SNTG1: variants seen among roughly 807,000 people sequenced by gnomAD.
SNTG1 encodes syntrophin gamma 1.
Under a neutral mutation model 74.7 loss-of-function variants are expected in SNTG1, and 39 were observed. The ratio of observed to expected loss-of-function variants is 0.52; its 90% CI spans 0.40 to 0.68. SNTG1 has a LOEUF of 0.68. Among genes scored for constraint, SNTG1 ranks in the 30% least tolerant of loss-of-function variants. The pLI, the probability that SNTG1 is intolerant of heterozygous loss-of-function variation, is 0.00. For synonymous variants in SNTG1, 254 were observed against 217.1 expected (o/e 1.17, Z -1.49); for missense variants, 685 against 609.5 (o/e 1.12, Z -1.30).
At chr8:50,635,368 C>T (rs186963348) in intron 13 of SNTG1, among the ~76,000 whole-genome samples, 2 of 152,232 alleles carry the variant, frequency 1.3e-5, no homozygotes, top group Admixed American at 1.3e-4. Flanking sequence ...TGTGTCTTTC[C>T]CTTAGGGGCA....
At chr8:50,116,547 G>A (rs1418940105) in intron 1 of SNTG1, among the ~76,000 whole-genome samples, 2 of 152,114 alleles carry the variant, frequency 1.3e-5, no homozygotes, top group Non-Finnish European at 2.9e-5. Context: ...CTCAGTCATT[G>A]CGTACCTAAT....
At chr8:50,290,513 C>T (rs1006349175) in intron 2 of SNTG1, among the ~76,000 whole-genome samples, 2 of 152,110 alleles carry the variant, frequency 1.3e-5, no homozygotes, top group Admixed American at 6.6e-5. Flanking sequence ...AAAGTCCAGT[C>T]TTTGGCAAAT....
chr8:50,415,407 T>A (rs1017623856), intron 4 of SNTG1, among the ~76,000 whole-genome samples: 1 of 152,118 alleles, frequency 6.6e-6, no homozygotes, highest in Non-Finnish European at 1.5e-5. Context: ...ATGGAATAGG[T>A]AATAACGTAA....
chr8:50,524,142 A>G (rs1300534791), intron 9 of SNTG1, among the ~76,000 whole-genome samples: 2 of 151,898 alleles, frequency 1.3e-5, no homozygotes, highest in East Asian at 3.9e-4. Flanking sequence ...CCTTATAGGT[A>G]TTTCTGTGAC....
chr8:50,428,597 A>G (rs1409654320), intron 4 of SNTG1, among the ~76,000 whole-genome samples: 2 of 152,132 alleles, frequency 1.3e-5, no homozygotes, highest in Non-Finnish European at 2.9e-5. Flanking sequence ...TACAAACTAC[A>G]ATTTTCAGTG....
intron 1 of SNTG1, among the ~76,000 whole-genome samples, chr8:50,054,926 C>T (rs996958306): frequency 2.6e-4 from 39 of 152,126 alleles, no homozygotes; most frequent in Non-Finnish European, 7.4e-5. Flanking sequence ...TTCCTCTGAC[C>T]TCGGCCTCTC....
intron 1 of SNTG1, among the ~76,000 whole-genome samples, chr8:50,091,792 A>G (rs2079747713): frequency 6.6e-6 from 1 of 152,132 alleles, no homozygotes; most frequent in Admixed American, 6.6e-5. Flanking sequence ...CATAAGCAGG[A>G]TAATAAACAG....
chr8:50,495,892 T>A (rs575412088), intron 8 of SNTG1, among the ~76,000 whole-genome samples: 1 of 152,298 alleles, frequency 6.6e-6, no homozygotes, highest in South Asian at 2.1e-4. Context: ...AACACTGGCA[T>A]GAAAGCCTTT....
intron 18 of SNTG1, among the ~76,000 whole-genome samples, chr8:50,788,973 T>A (rs767548794): frequency 1.3e-5 from 2 of 152,018 alleles, no homozygotes; most frequent in African/African-American, 4.8e-5. Context: ...AACCATTTCA[T>A]GCCAGCAATT....
At position 50,736,886 on chromosome 8, in the gene SNTG1, C is replaced by T. The variant is rs953477834; in HGVS notation, c.1285-15115C>T. 7.3e-5 allele frequency among the ~76,000 whole-genome samples: 11 copies of T among 151,706 alleles called. No homozygotes were observed. The East Asian group carries it at 7.7e-4, about 11-fold the overall frequency. ...CACTGAGAATAAAGACACAACGTAC[C>T]GGAATCTCTGGGAGGCAGCTAAAGC... On this transcript the variant is annotated intron_variant, in intron 17 of 18. Transcript: ENST00000642720.
At chr8:50,280,985 CAAAAAAAA>C (rs35973666) in intron 2 of SNTG1, among the ~76,000 whole-genome samples, 1 of 75,462 alleles carries the variant, frequency 1.3e-5, no homozygotes, top group Non-Finnish European at 2.6e-5. Flanking sequence ...AACCCAGTCT[CAAAAAAAA>C]AAAAAAAAAA....
intron 1 of SNTG1, among the ~76,000 whole-genome samples, chr8:50,011,363 T>C (rs1815777713): frequency 6.6e-6 from 1 of 152,166 alleles, no homozygotes; most frequent in African/African-American, 2.4e-5. Flanking sequence ...TAGTGCATGA[T>C]ACTTATTGTT....
At chr8:50,280,932 T>C (rs555218094) in intron 2 of SNTG1, among the ~76,000 whole-genome samples, 1 of 135,654 alleles carries the variant, frequency 7.4e-6, no homozygotes, top group African/African-American at 2.8e-5. Flanking sequence ...GGCGGGTGGA[T>C]CATGAGGTCA....
chr8:50,126,814 T>G (rs1004592701), intron 1 of SNTG1, among the ~76,000 whole-genome samples: 1 of 152,038 alleles, frequency 6.6e-6, no homozygotes, highest in African/African-American at 2.4e-5. Flanking sequence ...ATGAGCTATA[T>G]GGGCCAGTAA....
intron 18 of SNTG1, among the ~76,000 whole-genome samples, chr8:50,778,435 G>A (rs377757109): frequency 0.018 from 2,768 of 151,816 alleles, 74 homozygotes; most frequent in African/African-American, 0.06. Flanking sequence ...GTTTTGATTT[G>A]CATTTCTCTG....
chr8:50,366,822 A>G (rs939947928), intron 2 of SNTG1, among the ~76,000 whole-genome samples: 1 of 146,086 alleles, frequency 6.8e-6, no homozygotes, highest in Non-Finnish European at 1.5e-5. Context: ...TATATATAAT[A>G]TATATACCAT....
intron 18 of SNTG1, among the ~76,000 whole-genome samples, chr8:50,755,359 T>C (rs925022389): frequency 6.6e-6 from 1 of 151,866 alleles, no homozygotes; most frequent in Non-Finnish European, 1.5e-5. Context: ...CATACAATAG[T>C]TACCCTTTTC....
At chr8:50,330,528 C>T (rs1349298368) in intron 2 of SNTG1, among the ~76,000 whole-genome samples, 1 of 152,330 alleles carries the variant, frequency 6.6e-6, no homozygotes, top group Non-Finnish European at 1.5e-5. Flanking sequence ...TCAACCTCTT[C>T]CTGTTACCCA....
intron 2 of SNTG1, among the ~76,000 whole-genome samples, chr8:50,265,995 A>G (rs966285650): frequency 6.6e-6 from 1 of 152,088 alleles, no homozygotes; most frequent in African/African-American, 2.4e-5. Flanking sequence ...AACACTGTTA[A>G]AAAAGCTATA....
Sources: allele counts gnomAD v4.1 joint callset (sites outside exome capture counted in the v4.1 genomes callset), GRCh38; gene constraint gnomAD v4.1.1; transcripts MANE v1.5; gene names NCBI Gene and HGNC (gene_info 2026-07-23, HGNC 2026-07-21).